The following FUT9 variants were observed in gnomAD, a reference collection of about 807,000 sequenced individuals.
FUT9 encodes the protein 4-galactosyl-N-acetylglucosaminide 3-alpha-L-fucosyltransferase 9.
Under a neutral mutation model 29.7 loss-of-function variants are expected in FUT9, and 15 were observed. The observed-to-expected ratio is 0.51, with a 90% CI of 0.34 to 0.78. The LOEUF (loss-of-function observed/expected upper bound fraction) is 0.78. Among genes scored for constraint, FUT9 ranks in the 30% least tolerant of loss-of-function variants. The pLI is 0.01. For missense variants in FUT9, 319 were observed against 425.4 expected (o/e 0.75, Z 2.20); for synonymous variants, 169 against 153.7 (o/e 1.10, Z -0.74).
intron 2 of FUT9, among the ~76,000 whole-genome samples, chr6:96,191,886 G>A (rs1219695806): frequency 6.6e-6 from 1 of 152,154 alleles, no homozygotes; most frequent in African/African-American, 2.4e-5. Context: ...TGGGATGCAA[G>A]GCTGGTTCAA....
chr6:96,170,740 CT>C (rs1413747710), intron 2 of FUT9, among the ~76,000 whole-genome samples: 1 of 152,098 alleles, frequency 6.6e-6, no homozygotes, highest in Non-Finnish European at 1.5e-5. Context: ...AAAGAAATAT[CT>C]TTTTCTAACT....
intron 1 of FUT9, among the ~76,000 whole-genome samples, chr6:96,070,367 G>A (rs1771038064): frequency 2.0e-5 from 3 of 152,118 alleles, no homozygotes; most frequent in African/African-American, 7.2e-5. Flanking sequence ...AATGAGAAAA[G>A]TTAACTATGG....
At chr6:96,165,685 G>T (rs1342360936) in intron 2 of FUT9, among the ~76,000 whole-genome samples, 1 of 151,816 alleles carries the variant, frequency 6.6e-6, no homozygotes, top group African/African-American at 2.4e-5. Flanking sequence ...GCGTGATCTC[G>T]GCTCACTGCA....
chr6:96,121,045 C>A (rs1772018735), intron 2 of FUT9, among the ~76,000 whole-genome samples: 1 of 152,078 alleles, frequency 6.6e-6, no homozygotes, highest in Non-Finnish European at 1.5e-5. Flanking sequence ...TCCTGTGGAA[C>A]TCCAATAATT....
chr6:96,184,418 G>A (rs1404133011), intron 2 of FUT9, among the ~76,000 whole-genome samples: 1 of 151,522 alleles, frequency 6.6e-6, no homozygotes, highest in Non-Finnish European at 1.5e-5. Flanking sequence ...TATATCTTTT[G>A]TTTTTTTGTT....
At chr6:96,078,081 T>G (rs1011365225) in intron 1 of FUT9, among the ~76,000 whole-genome samples, 1 of 152,196 alleles carries the variant, frequency 6.6e-6, no homozygotes, top group African/African-American at 2.4e-5. Context: ...CTGTGTTCTA[T>G]TTCCGGGATG....
chr6:96,086,838 C>T (rs1462715426), intron 1 of FUT9, among the ~76,000 whole-genome samples: 1 of 152,146 alleles, frequency 6.6e-6, no homozygotes, highest in Non-Finnish European at 1.5e-5. Flanking sequence ...TTTGTCCTCA[C>T]ACTAAAGGAA....
At chr6:96,198,355 A>C (rs1020450208) in intron 2 of FUT9, among the ~76,000 whole-genome samples, 1 of 149,396 alleles carries the variant, frequency 6.7e-6, no homozygotes, top group African/African-American at 2.5e-5. Flanking sequence ...TCTATGAGTG[A>C]GAATATGCAG....
At chr6:96,132,570 A>C (rs1772267205) in intron 2 of FUT9, among the ~76,000 whole-genome samples, 1 of 152,102 alleles carries the variant, frequency 6.6e-6, no homozygotes, top group Non-Finnish European at 1.5e-5. Flanking sequence ...ACTGACACCA[A>C]AAGAGAAAGG....
chr6:96,195,613 C>T (rs754317909), intron 2 of FUT9, among the ~76,000 whole-genome samples: 2 of 152,080 alleles, frequency 1.3e-5, no homozygotes, highest in African/African-American at 4.8e-5. Context: ...TTTTTGAAAG[C>T]GCAGTGATGA....
intron 1 of FUT9, among the ~76,000 whole-genome samples, chr6:96,096,492 A>T (rs1771498485): frequency 6.6e-6 from 1 of 152,044 alleles, no homozygotes; most frequent in Non-Finnish European, 1.5e-5. Flanking sequence ...GTTCTTACAC[A>T]GGTTTATAAG....
chr6:96,177,984 C>A (rs1773236174), intron 2 of FUT9, among the ~76,000 whole-genome samples: 2 of 152,104 alleles, frequency 1.3e-5, no homozygotes, highest in South Asian at 4.1e-4. Flanking sequence ...TTTGTTTGCT[C>A]ATACTGTGAG....
At chr6:96,068,110 A>C (rs1215991276) in intron 1 of FUT9, among the ~76,000 whole-genome samples, 1 of 152,196 alleles carries the variant, frequency 6.6e-6, no homozygotes, top group Admixed American at 6.5e-5. Context: ...ACTTTGGATT[A>C]ATCATTTTAG....
In FUT9 at chr6:96,071,668, C is replaced by A. The variant is rs569070461; in HGVS notation, c.-97-42371C>A. ...AACCATTACTACATCAACAAAGGAG[C>A]AAGACTCACGGCATTTTTAAAAATT... On this transcript the variant is annotated intron_variant, in intron 1 of 2. Transcript: ENST00000302103. Among the ~76,000 whole-genome samples the A allele has an allele frequency of 4.6e-5, 7 of 152,282 alleles. No homozygotes were observed. In the East Asian group the frequency reaches 1.2e-3, roughly 25 times the overall value.
chr6:96,190,211 C>A (rs1773480096), intron 2 of FUT9, among the ~76,000 whole-genome samples: 1 of 152,122 alleles, frequency 6.6e-6, no homozygotes, highest in South Asian at 2.1e-4. Flanking sequence ...AAATTCTTTT[C>A]TTTAAGAATG....
chr6:96,064,563 T>A (rs543788031), intron 1 of FUT9, among the ~76,000 whole-genome samples: 2 of 151,930 alleles, frequency 1.3e-5, no homozygotes, highest in South Asian at 2.1e-4. Context: ...GGAAGTAACT[T>A]TTCTTTGGCT....
intron 1 of FUT9, among the ~76,000 whole-genome samples, chr6:96,091,405 A>T (rs1344912130): frequency 1.3e-5 from 2 of 152,114 alleles, no homozygotes; most frequent in Admixed American, 1.3e-4. Context: ...AAGAAGACTA[A>T]TGAGTCAATA....
At chr6:96,090,822 A>G (rs1362478308) in intron 1 of FUT9, among the ~76,000 whole-genome samples, 2 of 152,014 alleles carry the variant, frequency 1.3e-5, no homozygotes, top group African/African-American at 4.8e-5. Flanking sequence ...CCTAAAGTAA[A>G]AAGATGTTAA....
chr6:96,022,025 T>C (rs1261777547), intron 1 of FUT9, among the ~76,000 whole-genome samples: 1 of 152,066 alleles, frequency 6.6e-6, no homozygotes, highest in African/African-American at 2.4e-5. Flanking sequence ...ATGAATACTT[T>C]ACAACTTTAT....
Sources: allele counts gnomAD v4.1 joint callset (sites outside exome capture counted in the v4.1 genomes callset), GRCh38; gene constraint gnomAD v4.1.1; transcripts MANE v1.5; gene names NCBI Gene and HGNC (gene_info 2026-07-23, HGNC 2026-07-21).